STK24: variants seen among roughly 807,000 people sequenced by gnomAD.
STK24 encodes the protein serine/threonine-protein kinase 24.
A neutral mutation model predicts 55.6 loss-of-function variants in STK24; 21 were observed. The observed-to-expected ratio is 0.38, with a 90% CI of 0.27 to 0.54. The LOEUF (loss-of-function observed/expected upper bound fraction) is 0.54. Ranked by LOEUF, STK24 falls within the 20% of genes least tolerant of loss-of-function variation. STK24 has a pLI of 0.79. For synonymous variants in STK24, 200 were observed against 215.2 expected, an observed-to-expected ratio of 0.93 and a Z score of 0.62; for missense variants, 383 against 538.4, an observed-to-expected ratio of 0.71 and a Z score of 2.86.
intron 7 of STK24, 135 bp downstream of exon 7, chr13:98,463,556 A>G (rs1308714544): frequency 1.3e-5 from 15 of 1,111,632 alleles, no homozygotes; most frequent in Non-Finnish European, 1.6e-5. Flanking sequence ...TGTGTCTAAC[A>G]CAACAATTGC....
chr13:98,464,301 C>T (rs1365912938), intron 6 of STK24, among the ~76,000 whole-genome samples: 1 of 151,422 alleles, frequency 6.6e-6, no homozygotes, highest in Admixed American at 6.6e-5. Flanking sequence ...CGCCTGTAGT[C>T]CCAGCTACTC....
rs1377829955 is a variant in STK24 at position 98,543,265 on chromosome 13, C to G, written c.43-23792G>C. ...CAACCAATGTGCTCCCGCGGCTGGA[C>G]CTGACAGGAAGTCTGCATACATTTA... On this transcript the variant is annotated intron_variant, in intron 1 of 10. Coordinates refer to ENST00000539966, the MANE Select transcript of STK24 (RefSeq NM_001032296.4). 8.5e-5 allele frequency among the ~76,000 whole-genome samples: 13 copies of G among 152,188 alleles called. 1 individual carries two copies. Among genetic ancestry groups the G allele is most frequent in the Non-Finnish European group, 1.5e-5 (1 of 68,026 alleles).
intron 1 of STK24, among the ~76,000 whole-genome samples, chr13:98,537,487 C>T (rs1896767337): frequency 6.6e-6 from 1 of 152,224 alleles, no homozygotes; most frequent in Non-Finnish European, 1.5e-5. Flanking sequence ...CAGCCGCCAG[C>T]TGTGGCACGA....
intron 1 of STK24, among the ~76,000 whole-genome samples, chr13:98,573,367 T>C (rs1281345826): frequency 1.3e-5 from 2 of 152,156 alleles, no homozygotes; most frequent in Non-Finnish European, 2.9e-5. Flanking sequence ...CTCAATTGAG[T>C]GAAACAACAA....
At chr13:98,499,116 C>T (rs187427618) in intron 2 of STK24, among the ~76,000 whole-genome samples, 1 of 152,158 alleles carries the variant, frequency 6.6e-6, no homozygotes, top group Admixed American at 6.5e-5. Flanking sequence ...CATAGTGGTG[C>T]AATCCCAGCT....
chr13:98,518,573 G>A (rs1403719167), intron 2 of STK24, among the ~76,000 whole-genome samples: 13 of 152,156 alleles, frequency 8.5e-5, no homozygotes, highest in Admixed American at 3.3e-4. Flanking sequence ...ACACAAGAAC[G>A]GTCATAAGCC....
intron 2 of STK24, among the ~76,000 whole-genome samples, chr13:98,488,659 T>C (rs539580204): frequency 6.6e-6 from 1 of 152,254 alleles, no homozygotes; most frequent in African/African-American, 2.4e-5. Context: ...AGACATACTA[T>C]CAATAACCAT....
chr13:98,455,037 T>G (rs540720640), intron 10 of STK24: 1 of 152,240 alleles, frequency 6.6e-6, no homozygotes, highest in Non-Finnish European at 1.5e-5. Flanking sequence ...ACGTAAAATG[T>G]GCTGCGTCTG....
intron 5 of STK24, among the ~76,000 whole-genome samples, chr13:98,472,448 G>A (rs1894188998): frequency 6.6e-6 from 1 of 152,222 alleles, no homozygotes; most frequent in Non-Finnish European, 1.5e-5. Flanking sequence ...CAGTGATGGT[G>A]CAACCAAGAG....
intron 1 of STK24, among the ~76,000 whole-genome samples, chr13:98,537,174 G>A (rs1319225169): frequency 6.6e-6 from 1 of 152,230 alleles, no homozygotes; most frequent in African/African-American, 2.4e-5. Context: ...GAAGGAGCAG[G>A]CTACCTGTGC....
In STK24 at chr13:98,450,185, C is replaced by CACAATGATGCAGAT. The variant is rs1350030077; in HGVS notation, c.*2974_*2987dup. 3.3e-5 allele frequency: 5 copies of CACAATGATGCAGAT among 151,912 alleles called. No homozygotes were observed. The highest frequency in any genetic ancestry group is 1.2e-4 in the African/African-American group (5 of 41,334). The allele number at this position is 151,912 out of a possible 1,614,324, so 9.4% of individuals were successfully genotyped here. A position where few individuals can be genotyped will look rare whatever the true frequency, so the allele number is the denominator to read the frequency against. ...TTTGAGACACACTACACATGAGACA[C>CACAATGATGCAGAT]ACAATGATGCAGATACTCGTTTTCT... On this transcript the variant is annotated 3_prime_UTR_variant, in exon 11 of 11. Coordinates refer to ENST00000539966, the MANE Select transcript of STK24 (RefSeq NM_001032296.4).
chr13:98,460,443 TG>T lies in STK24; in HGVS notation c.1054-4del. 1 of 1,612,346 alleles carries T rather than the reference TG, an allele frequency of 6.2e-7. No homozygotes were observed. Among genetic ancestry groups the T allele is most frequent in the South Asian group, 1.1e-5 (1 of 90,904 alleles). On this transcript the variant is annotated splice_polypyrimidine_tract_variant and splice_region_variant and intron_variant, in intron 8 of 10. Coordinates refer to ENST00000539966, the MANE Select transcript of STK24 (RefSeq NM_001032296.4). Reference sequence around the variant, plus strand: ...GGCCTCTTCGGGATGTCTTTCATCTTGGGGGAGAGGGAAAAAAAGGTCATCA... The same window carrying T: ...GGCCTCTTCGGGATGTCTTTCATCTTGGGGAGAGGGAAAAAAAGGTCATCA...
At chr13:98,562,469 C>T (rs1354501949) in intron 1 of STK24, among the ~76,000 whole-genome samples, 7 of 152,124 alleles carry the variant, frequency 4.6e-5, no homozygotes, top group Non-Finnish European at 1.0e-4. Context: ...CAGAAAGGAA[C>T]GGAATTACTA....
intron 3 of STK24, among the ~76,000 whole-genome samples, chr13:98,478,109 T>C (rs1320258061): frequency 6.6e-6 from 1 of 152,150 alleles, no homozygotes; most frequent in Non-Finnish European, 1.5e-5. Flanking sequence ...CCCCCCAGAG[T>C]GCCTCATGAG....
At position 98,517,940 on chromosome 13, in the gene STK24, ATACT is replaced by A. The variant is rs891892263; in HGVS notation, c.273+1299_273+1302del. Among the ~76,000 whole-genome samples, 3 of 152,360 alleles carry A rather than the reference ATACT, an allele frequency of 2.0e-5. 1 individual carries two copies. Among genetic ancestry groups the A allele is most frequent in the Admixed American group, 6.5e-5 (1 of 15,304 alleles). On this transcript the variant is annotated intron_variant, in intron 2 of 10. Transcript: ENST00000539966. ...CCTACTACATGTCAAGTACTTTCAC[ATACT>A]TAATTCCATTTAATCTTTGTAACAT...
chr13:98,563,515 T>TA (rs980688376), intron 1 of STK24, among the ~76,000 whole-genome samples: 3 of 152,176 alleles, frequency 2.0e-5, no homozygotes, highest in African/African-American at 7.2e-5. Context: ...GTCAATCCCC[T>TA]AAGTCTGTAT....
chr13:98,545,805 C>A (rs1005764765), intron 1 of STK24, among the ~76,000 whole-genome samples: 2 of 152,088 alleles, frequency 1.3e-5, no homozygotes, highest in African/African-American at 4.8e-5. Flanking sequence ...ATGAAACATC[C>A]TGAATTATAT....
intron 1 of STK24, among the ~76,000 whole-genome samples, chr13:98,531,319 T>C (rs906857446): frequency 1.3e-5 from 2 of 152,162 alleles, no homozygotes; most frequent in African/African-American, 2.4e-5. Context: ...AAAAGGCCAA[T>C]GGAAAGTTTA....
At chr13:98,506,005 A>G (rs1895667434) in intron 2 of STK24, among the ~76,000 whole-genome samples, 1 of 151,636 alleles carries the variant, frequency 6.6e-6, no homozygotes, top group Non-Finnish European at 1.5e-5. Context: ...TGATTCAAAT[A>G]TATGTTTTAG....
Sources: gnomAD v4.1 joint callset for allele counts (sites outside exome capture counted in the v4.1 genomes callset) on GRCh38, gnomAD v4.1.1 for gene constraint, MANE v1.5 for transcripts, NCBI Gene and HGNC (gene_info 2026-07-23, HGNC 2026-07-21) for gene names.